MLIP: variants seen among roughly 807,000 people sequenced by gnomAD.
MLIP encodes muscular LMNA interacting protein.
In MLIP, 79 loss-of-function variants were observed where a neutral mutation model predicts 84.8. That is an observed-to-expected ratio of 0.93 (90% CI 0.78 to 1.12). The LOEUF is 1.12. Ranked by LOEUF, MLIP falls within the 50% of genes most tolerant of loss-of-function variation. The probability of loss-of-function intolerance (pLI) is 0.00; values close to 1 mark genes in which losing one functional copy is unlikely to be tolerated. For missense variants in MLIP, 1,257 were observed against 1,160.6 expected, an observed-to-expected ratio of 1.08 and a Z score of -1.21; for synonymous variants, 504 against 463.0, an observed-to-expected ratio of 1.09 and a Z score of -1.14.
intron 1 of MLIP, among the ~76,000 whole-genome samples, chr6:54,102,977 G>T (rs369791880): frequency 1.3e-5 from 2 of 152,132 alleles, no homozygotes; most frequent in African/African-American, 4.8e-5. Flanking sequence ...ATTTTATAAA[G>T]TGTGTTGTGT....
At chr6:54,160,256 A>AC in intron 5 of MLIP, 111 bp from the exon 6 acceptor site, 1 of 812,738 alleles carries the variant, frequency 1.2e-6, no homozygotes. Context: ...AAATACTGTA[A>AC]ATATTTTTTT....
chr6:54,110,036 G>A (rs180946317), upstream of MLIP, among the ~76,000 whole-genome samples: 4 of 136,528 alleles, frequency 2.9e-5, no homozygotes, highest in Admixed American at 3.1e-4. Flanking sequence ...AGGCTGTAGT[G>A]CAGTGGCGCG....
chr6:54,063,989 ATTCTT>A (rs1766129674), intron 1 of MLIP, among the ~76,000 whole-genome samples: 3 of 48,458 alleles, frequency 6.2e-5, no homozygotes, highest in East Asian at 6.6e-4. Flanking sequence ...TTGAGAAATT[ATTCTT>A]GTTTGGATTT....
At chr6:54,175,600 A>G (rs1267784610) in intron 9 of MLIP, among the ~76,000 whole-genome samples, 1 of 152,022 alleles carries the variant, frequency 6.6e-6, no homozygotes, top group Non-Finnish European at 1.5e-5. Flanking sequence ...TTGATTTTGT[A>G]TCCTGCACCT....
chr6:54,210,920 G>A (rs1471540090), intron 11 of MLIP, among the ~76,000 whole-genome samples: 2 of 152,072 alleles, frequency 1.3e-5, no homozygotes, highest in Admixed American at 6.6e-5. Context: ...ACCAGGAGCT[G>A]ACTTGTCTAA....
chr6:54,215,139 G>A (rs1212097449), intron 11 of MLIP: 2 of 1,535,150 alleles, frequency 1.3e-6, no homozygotes, highest in Admixed American at 3.9e-5. Context: ...TTTACACTCA[G>A]GCTGCACATT....
In MLIP at chr6:54,254,742, C is replaced by CCCTTCCTTCCTT. The variant is rs372950271; in HGVS notation, c.2923-2551_2923-2540dup. On this transcript the variant is annotated intron_variant, in intron 12 of 13. Coordinates refer to ENST00000502396, the MANE Select transcript of MLIP (RefSeq NM_001281747.2). ...TAGAATCTTCTTTTTTTTTCTCCCTCCCTTCCTTCCTTCCTTCCTTCCTTC... is the reference window on the plus strand; with the variant it reads ...TAGAATCTTCTTTTTTTTTCTCCCTCCCTTCCTTCCTTCCTTCCTTCCTTCCTTCCTTCCTTC... Among the ~76,000 whole-genome samples the CCCTTCCTTCCTT allele has an allele frequency of 1.6e-3, 196 of 125,100 alleles. 1 individual carries two copies. Among genetic ancestry groups the CCCTTCCTTCCTT allele is most frequent in the South Asian group, 5.8e-3 (20 of 3,420 alleles). The allele number at this position is 125,100 out of a possible 152,430, so 82.1% of individuals were successfully genotyped here.
chr6:54,198,338 T>C (rs1376719479), intron 10 of MLIP, among the ~76,000 whole-genome samples: 2 of 152,188 alleles, frequency 1.3e-5, no homozygotes, highest in Non-Finnish European at 2.9e-5. Context: ...GTTAACTTTC[T>C]GTTGCAAATG....
At chr6:54,134,789 G>T (rs1771665859) in intron 3 of MLIP, among the ~76,000 whole-genome samples, 1 of 151,940 alleles carries the variant, frequency 6.6e-6, no homozygotes, top group Admixed American at 6.6e-5. Context: ...AAAGTTATTT[G>T]GAAACAGCAG....
upstream of MLIP, among the ~76,000 whole-genome samples, chr6:54,111,030 G>A (rs994723605): frequency 6.6e-6 from 1 of 152,172 alleles, no homozygotes. Context: ...CACAGTGTTT[G>A]CATGTATTTA....
intron 9 of MLIP, among the ~76,000 whole-genome samples, chr6:54,186,748 C>T (rs914305256): frequency 4.6e-5 from 7 of 152,108 alleles, no homozygotes; most frequent in Non-Finnish European, 8.8e-5. Context: ...AATCACTTCC[C>T]ACCAGTTCCT....
chr6:54,082,949 C>A (rs1349384249), intron 1 of MLIP, among the ~76,000 whole-genome samples: 2 of 152,114 alleles, frequency 1.3e-5, no homozygotes, highest in Admixed American at 6.5e-5. Flanking sequence ...TCTCTAGAAG[C>A]AGTTAACTCA....
At chr6:54,253,177 T>C (rs928501228) in intron 12 of MLIP, among the ~76,000 whole-genome samples, 3 of 152,146 alleles carry the variant, frequency 2.0e-5, no homozygotes, top group Non-Finnish European at 2.9e-5. Flanking sequence ...ATTAGACTTA[T>C]GAAACAGACA....
At chr6:54,138,559 T>A (rs1411127728) in intron 4 of MLIP, among the ~76,000 whole-genome samples, 1 of 152,190 alleles carries the variant, frequency 6.6e-6, no homozygotes, top group African/African-American at 2.4e-5. Context: ...GTATTATTTT[T>A]CCTCAGACAT....
chr6:54,227,460 T>G (rs1459937712), intron 11 of MLIP, among the ~76,000 whole-genome samples: 1 of 152,152 alleles, frequency 6.6e-6, no homozygotes, highest in Non-Finnish European at 1.5e-5. Context: ...ATGAAAATTT[T>G]CCAAAATGTT....
chr6:54,247,444 T>C (rs766489109), intron 12 of MLIP, among the ~76,000 whole-genome samples: 8 of 152,120 alleles, frequency 5.3e-5, no homozygotes, highest in Non-Finnish European at 7.3e-5. Context: ...GGCTCAGGAA[T>C]GGCCACAATC....
chr6:54,078,443 G>C (rs1263262425), intron 1 of MLIP, among the ~76,000 whole-genome samples: 1 of 152,026 alleles, frequency 6.6e-6, no homozygotes, highest in African/African-American at 2.4e-5. Flanking sequence ...AATTAGCCAG[G>C]CATGGTTGTG....
intron 1 of MLIP, among the ~76,000 whole-genome samples, chr6:54,044,405 G>T (rs556400972): frequency 2.0e-5 from 3 of 152,162 alleles, no homozygotes; most frequent in Non-Finnish European, 4.4e-5. Context: ...GTATAAATCC[G>T]ATTGCTGTGG....
chr6:54,039,261 G>C (rs1764611692), intron 1 of MLIP, among the ~76,000 whole-genome samples: 1 of 151,962 alleles, frequency 6.6e-6, no homozygotes, highest in Non-Finnish European at 1.5e-5. Context: ...AAATGGAAAT[G>C]TGTGATGACA....
Sources: gnomAD v4.1 joint callset for allele counts (sites outside exome capture counted in the v4.1 genomes callset) on GRCh38, gnomAD v4.1.1 for gene constraint, MANE v1.5 for transcripts, NCBI Gene and HGNC (gene_info 2026-07-23, HGNC 2026-07-21) for gene names.